The following HIPK2 variants were observed in gnomAD, a reference collection of about 807,000 sequenced individuals.
HIPK2 encodes the protein homeodomain interacting protein kinase 2.
Under a neutral mutation model 113.7 loss-of-function variants are expected in HIPK2, and 27 were observed. The observed-to-expected ratio is 0.24, with a 90% CI of 0.17 to 0.33. The LOEUF (loss-of-function observed/expected upper bound fraction) is 0.33, where lower values mean the gene tolerates loss of function less well. Ranked by LOEUF, HIPK2 falls within the 10% of genes least tolerant of loss-of-function variation. The pLI is 1.00. For synonymous variants in HIPK2, 631 were observed against 642.2 expected (o/e 0.98, Z 0.26); for missense variants, 1,257 against 1,588.0 (o/e 0.79, Z 3.54).
At chr7:139,729,602 T>C (rs1188512559) in intron 1 of HIPK2, among the ~76,000 whole-genome samples, 1 of 152,156 alleles carries the variant, frequency 6.6e-6, no homozygotes, top group African/African-American at 2.4e-5. Context: ...ATCCACATTG[T>C]TCTGTTTTTC....
Position 139,571,450 on chromosome 7 carries a change from C to T in HIPK2, c.*1477G>A. Reference sequence around the variant, plus strand: ...CAGGGGTGAAGGGTGGGGAGTCTCTCTGGGCCTCCGCCCACAAATTACAAC... The same window carrying T: ...CAGGGGTGAAGGGTGGGGAGTCTCTTTGGGCCTCCGCCCACAAATTACAAC... On this transcript the variant is annotated 3_prime_UTR_variant, in exon 15 of 15. Transcript: ENST00000406875. The T allele has an allele frequency of 6.6e-6, 1 of 152,252 alleles. No individual in the cohort carries two copies. The highest frequency in any genetic ancestry group is 1.9e-4 in the East Asian group (1 of 5,180). The allele number at this position is 152,252 out of a possible 1,614,324, so 9.4% of individuals were successfully genotyped here.
At chr7:139,720,306 A>C (rs576196237) in intron 1 of HIPK2, among the ~76,000 whole-genome samples, 1 of 152,136 alleles carries the variant, frequency 6.6e-6, no homozygotes, top group South Asian at 2.1e-4. Flanking sequence ...TTCAGCTCTG[A>C]CTTCCTAGGG....
In HIPK2 at chr7:139,600,515, T is replaced by A. The variant is rs1017924271; in HGVS notation, c.2337A>T (p.Ala779=). ...ALLTGHVTLP[A]AQPLNVGVAH... ...CCACACCCACATTTAAGGGCTGTGC[T>A]GCTGGAAGGGTCACATGACCGGTCA... is the stretch of plus-strand genomic sequence containing the variant. Residue 779 remains alanine (A), a synonymous_variant, in exon 11 of 15, where the codon GCA becomes GCT. Coordinates refer to ENST00000406875, the MANE Select transcript of HIPK2 (RefSeq NM_022740.5). 1.2e-6 allele frequency: 2 copies of A among 1,614,062 alleles called. No individual in the cohort carries two copies. Among genetic ancestry groups the A allele is most frequent in the Non-Finnish European group, 1.7e-6 (2 of 1,179,908 alleles).
chr7:139,711,069 C>T (rs1254244187), intron 2 of HIPK2, among the ~76,000 whole-genome samples: 1 of 150,956 alleles, frequency 6.6e-6, no homozygotes, highest in African/African-American at 2.4e-5. Context: ...TGGAATAATA[C>T]ACACCCCCAC....
In HIPK2 at chr7:139,585,378, T is replaced by TG. The variant is rs1327098700; in HGVS notation, c.2718-1315dup. On this transcript the variant is annotated intron_variant, in intron 12 of 14. Coordinates refer to ENST00000406875, the MANE Select transcript of HIPK2 (RefSeq NM_022740.5). The stretch of plus-strand genomic sequence containing the variant: ...CTGAGCTACAGAAGGCTGGGGGATC[T>TG]GGGGGGTGCAGTCCCCAGGAGGCGC... Among the ~76,000 whole-genome samples the TG allele has an allele frequency of 2.6e-5, 4 of 152,212 alleles. No individual in the cohort carries two copies. In the South Asian group the frequency reaches 6.2e-4, roughly 24 times the overall value.
rs1798008658 is a variant in HIPK2 at position 139,563,565 on chromosome 7, CTA to C, written c.*9360_*9361del. 2.9e-6 allele frequency: 1 copy of C among 349,110 alleles called. No individual in the cohort carries two copies. The highest frequency in any genetic ancestry group is 5.1e-6 in the Non-Finnish European group (1 of 196,372). 21.6% of individuals were successfully genotyped at this position (349,110 alleles called of 1,614,324 possible). On this transcript the variant is annotated 3_prime_UTR_variant, in exon 15 of 15. Coordinates refer to ENST00000406875, the MANE Select transcript of HIPK2 (RefSeq NM_022740.5). Reference sequence around the variant, plus strand: ...TTTTCAAATGAACAAAAGGCAATTTCTATGTTTTAAAAATATAAGCCCCAAAA... The same window carrying C: ...TTTTCAAATGAACAAAAGGCAATTTCTGTTTTAAAAATATAAGCCCCAAAA...
chr7:139,727,636 A>T (rs1372907009), intron 1 of HIPK2, among the ~76,000 whole-genome samples: 3 of 152,180 alleles, frequency 2.0e-5, no homozygotes, highest in Admixed American at 2.0e-4. Flanking sequence ...CTTGGCCCCA[A>T]ATAACTCCTT....
chr7:139,771,633 AG>A (rs1394366852), intron 1 of HIPK2, among the ~76,000 whole-genome samples: 1 of 152,166 alleles, frequency 6.6e-6, no homozygotes, highest in Non-Finnish European at 1.5e-5. Flanking sequence ...CCTGCCCTCC[AG>A]GGGTTCACGA....
At chr7:139,724,637 C>T (rs1325153549) in intron 1 of HIPK2, among the ~76,000 whole-genome samples, 3 of 150,870 alleles carry the variant, frequency 2.0e-5, no homozygotes, top group Admixed American at 1.3e-4. Context: ...CCCATTAACT[C>T]GTCATTTAGC....
chr7:139,738,682 C>T (rs970265998), intron 1 of HIPK2, among the ~76,000 whole-genome samples: 33 of 152,190 alleles, frequency 2.2e-4, no homozygotes, highest in African/African-American at 7.2e-4. Flanking sequence ...GAAGTGATAA[C>T]AGGAAAATCT....
In HIPK2 at chr7:139,575,400, G is replaced by A. The variant is rs923462484; in HGVS notation, c.2966-112C>T. The A allele has an allele frequency of 9.3e-5, 118 of 1,275,554 alleles. 1 individual carries two copies. The highest frequency in any genetic ancestry group is 1.6e-4 in the Admixed American group (6 of 38,082). 79.0% of individuals were successfully genotyped at this position (1,275,554 alleles called of 1,614,324 possible). On this transcript the variant is annotated intron_variant, in intron 13 of 14. Transcript: ENST00000406875. ...CAGGAAGAAACATGTGCCTGAGGCC[G>A]GGCAGTAACAAATCAGCCTCATCTC...
intron 1 of HIPK2, among the ~76,000 whole-genome samples, chr7:139,755,711 C>G: frequency 6.6e-6 from 1 of 152,224 alleles, no homozygotes; most frequent in East Asian, 1.9e-4. Flanking sequence ...CTTCACAAGG[C>G]ACTCATCTGG....
At position 139,604,179 on chromosome 7, in the gene HIPK2, T is replaced by C. The variant is rs1265118464; in HGVS notation, c.2157A>G (p.Ala719=). Residue 719 remains alanine (A), a synonymous_variant, in exon 10 of 15, where the codon GCA becomes GCG. Coordinates refer to ENST00000406875, the MANE Select transcript of HIPK2 (RefSeq NM_022740.5). The part of the protein sequence containing the change: ...SGTQQILLPP[A]WQQLTGVATH... ...TGGCCACTCCAGTCAGTTGCTGCCA[T>C]GCTGGGGGAAGCAGGATCTGCTGGG... 3.1e-6 allele frequency: 5 copies of C among 1,613,806 alleles called. No individual in the cohort carries two copies. The highest frequency in any genetic ancestry group is 2.7e-5 in the African/African-American group (2 of 74,942).
rs765632399 is a variant in HIPK2 at position 139,631,685 on chromosome 7, T to C, written c.1144A>G (p.Ile382Val). 2.5e-6 allele frequency: 4 copies of C among 1,613,970 alleles called. No individual in the cohort carries two copies. The highest frequency in any genetic ancestry group is 3.4e-6 in the Non-Finnish European group (4 of 1,179,848). The change falls in exon 3 of 15, where the codon ATT becomes GTT. Residue 382 changes from isoleucine (I) to valine (V), a missense_variant. Ile to Val is a conservative substitution (Grantham distance 29, BLOSUM62 3). Around this residue, in one of 5 missense-constraint regions of HIPK2, gnomAD observed 84 missense variants for 182.2 expected, o/e 0.46. Coordinates refer to ENST00000406875, the MANE Select transcript of HIPK2 (RefSeq NM_022740.5). This position sits in a 1 kb window ranked among gnomAD's most constrained non-coding sequence, Gnocchi z 4.9. ...IILGLPFCEA[I>V]DMWSLGCVIA... Reference sequence around the variant, plus strand: ...ACACAGCCCAGGGACCACATGTCAATTGCCTCACAAAATGGTAAACCAAGG... The same window carrying C: ...ACACAGCCCAGGGACCACATGTCAACTGCCTCACAAAATGGTAAACCAAGG...
intron 13 of HIPK2, among the ~76,000 whole-genome samples, chr7:139,577,657 T>G (rs1348436929): frequency 6.6e-6 from 1 of 152,230 alleles, no homozygotes; most frequent in African/African-American, 2.4e-5. Context: ...GCATTGCTTC[T>G]GTTCCTTAAA....
intron 1 of HIPK2, among the ~76,000 whole-genome samples, chr7:139,742,516 T>TC (rs1165088815): frequency 6.6e-6 from 1 of 152,210 alleles, no homozygotes; most frequent in Non-Finnish European, 1.5e-5. Context: ...CTTTTTTTTT[T>TC]CTCCATACAA....
chr7:139,622,946 AG>A (rs1261909043), intron 6 of HIPK2, among the ~76,000 whole-genome samples: 2 of 152,178 alleles, frequency 1.3e-5, no homozygotes, highest in African/African-American at 4.8e-5. Flanking sequence ...CAGAACCCAG[AG>A]GTGGAAGGAC....
rs776192377 is a variant in HIPK2, at chr7:139,716,646, C to T, written c.389G>A (p.Gly130Glu). The T allele has an allele frequency of 1.2e-6, 2 of 1,613,952 alleles. No individual in the cohort carries two copies. Among genetic ancestry groups the T allele is most frequent in the South Asian group, 2.2e-5 (2 of 91,082 alleles). ...VSLLDTYQKC[G>E]LKRKSEEIEN... ...GATCTCCTCGCTCTTACGCTTGAGTCCACATTTTTGGTAGGTATCAAGGAG... is the reference window on the plus strand; with the variant it reads ...GATCTCCTCGCTCTTACGCTTGAGTTCACATTTTTGGTAGGTATCAAGGAG... The change falls in exon 2 of 15, where the codon GGA (glycine) becomes GAA (glutamate). Residue 130 changes from glycine (G) to glutamate (E), a missense_variant. Transcript: ENST00000406875. This position sits in a 1 kb window ranked among gnomAD's most constrained non-coding sequence, Gnocchi z 9.3.
chr7:139,654,904 G>A (rs1241662309), intron 2 of HIPK2, among the ~76,000 whole-genome samples: 1 of 152,168 alleles, frequency 6.6e-6, no homozygotes, highest in Non-Finnish European at 1.5e-5. Context: ...AAAAGCTGTT[G>A]AAGGGATTCC....
Sources: gnomAD v4.1 joint callset for allele counts (sites outside exome capture counted in the v4.1 genomes callset) on GRCh38, gnomAD v4.1.1 for gene constraint, gnomAD v4.1.1 regional missense constraint, Gnocchi (gnomAD v3.1) non-coding constraint, MANE v1.5 for transcripts, NCBI Gene and HGNC (gene_info 2026-07-23, HGNC 2026-07-21) for gene names.